CFAP47: variants seen among roughly 807,000 people sequenced by gnomAD.
CFAP47 encodes the protein cilia and flagella associated protein 47, also known as cilia- and flagella-associated protein 47.
A neutral mutation model predicts 148.1 loss-of-function variants in CFAP47; 29 were observed. That is an observed-to-expected ratio of 0.20 (90% CI 0.15 to 0.27). The LOEUF is 0.27. Among genes scored for constraint, CFAP47 ranks in the 10% least tolerant of loss-of-function variants. The pLI, the probability that CFAP47 is intolerant of heterozygous loss-of-function variation, is 1.00. For synonymous variants in CFAP47, 664 were observed against 577.3 expected (o/e 1.15, Z -2.15); for missense variants, 1,872 against 1,697.5 (o/e 1.10, Z -1.81).
intron 55 of CFAP47, among the ~76,000 whole-genome samples, chrX:36,309,935 C>T (rs782720053): frequency 9.0e-6 from 1 of 110,667 alleles, no homozygotes; most frequent in South Asian, 3.8e-4. Context: ...TGAAATATGC[C>T]TTTAATTCTC....
intron 61 of CFAP47, among the ~76,000 whole-genome samples, chrX:36,362,325 C>A (rs1941835461): frequency 8.9e-6 from 1 of 112,260 alleles, no homozygotes; most frequent in Non-Finnish European, 1.9e-5. Flanking sequence ...TATCCCCTTT[C>A]CAACTAGTAG....
At position 35,938,650 on chromosome X, in the gene CFAP47, T is replaced by A. The variant is rs187697635; in HGVS notation, c.402-2633T>A. Among the ~76,000 whole-genome samples, 244 of 111,591 alleles carry A rather than the reference T, an allele frequency of 2.2e-3. 1 individual carries two copies. The highest frequency in any genetic ancestry group is 7.4e-3 in the African/African-American group (228 of 30,788). ...CATGCATTTTATCCCTATTTAAAATTTTTTGATATGGATGCTGAGAGAAGT... is the reference window on the plus strand; with the variant it reads ...CATGCATTTTATCCCTATTTAAAATATTTTGATATGGATGCTGAGAGAAGT... On this transcript the variant is annotated intron_variant, in intron 2 of 63. Transcript: ENST00000378653.
chrX:36,240,886 A>T (rs1940535389), intron 48 of CFAP47, among the ~76,000 whole-genome samples: 1 of 111,479 alleles, frequency 9.0e-6, no homozygotes, highest in Non-Finnish European at 1.9e-5. Context: ...AAAAGAAAAA[A>T]TGGGGAGGGG....
intron 49 of CFAP47, among the ~76,000 whole-genome samples, chrX:36,262,651 A>G (rs1015944353): frequency 8.9e-6 from 1 of 112,292 alleles, no homozygotes; most frequent in Non-Finnish European, 1.9e-5. Context: ...AATCTTAAAT[A>G]TTGTGAACAG....
At position 35,926,005 on chromosome X, in the gene CFAP47, C is replaced by T. The variant is rs768371160; in HGVS notation, c.250-12C>T. 8.5e-7 allele frequency: 1 copy of T among 1,182,844 alleles called. No homozygotes were observed. Among genetic ancestry groups the T allele is most frequent in the South Asian group, 1.9e-5 (1 of 52,102 alleles). On this transcript the variant is annotated splice_polypyrimidine_tract_variant and intron_variant, in intron 1 of 63. Coordinates refer to ENST00000378653, the MANE Select transcript of CFAP47 (RefSeq NM_001304548.2). ...TAAAATGTATAATTTGACTCTCTTT[C>T]TCCCACTGAAGTTCAAACTGATGTT... is the stretch of plus-strand genomic sequence containing the variant.
At chrX:36,097,535 T>C (rs2146789358) in intron 30 of CFAP47, among the ~76,000 whole-genome samples, 1 of 111,643 alleles carries the variant, frequency 9.0e-6, no homozygotes, top group South Asian at 3.7e-4. Flanking sequence ...TTTTTTGTTT[T>C]GTTTTTTTTC....
chrX:36,251,559 G>A (rs1226272596), intron 49 of CFAP47, 115 bp downstream of exon 49: 7 of 347,754 alleles, frequency 2.0e-5, no homozygotes, highest in Non-Finnish European at 2.5e-5. Context: ...TGACTCAGAA[G>A]AAAGTTTAAT....
chrX:36,371,804 A>ATGTG lies in CFAP47; in HGVS notation c.9185+4680_9185+4681insGTGT, dbSNP rs782525559. Among the ~76,000 whole-genome samples the ATGTG allele has an allele frequency of 2.2e-4, 11 of 51,123 alleles. 1 individual carries two copies. In the African/African-American group the frequency reaches 2.7e-3, roughly 13 times the overall value. 44.4% of individuals were successfully genotyped at this position (51,123 alleles called of 115,157 possible). A position where few individuals can be genotyped will look rare whatever the true frequency, so the allele number is the denominator to read the frequency against. ...TGTATATATGTGTGTATATACACAC[A>ATGTG]TGTATATATGTGTGCATATACACAC... On this transcript the variant is annotated intron_variant, in intron 62 of 63. Coordinates refer to ENST00000378653, the MANE Select transcript of CFAP47 (RefSeq NM_001304548.2).
chrX:35,951,725 A>G (rs774460927), intron 5 of CFAP47, 78 bp from the exon 6 acceptor site: 7 of 963,520 alleles, frequency 7.3e-6, no homozygotes, highest in Non-Finnish European at 9.4e-6. Context: ...TGGAATTTCA[A>G]TAATTATTTT....
intron 37 of CFAP47, among the ~76,000 whole-genome samples, chrX:36,149,686 G>A (rs1451421890): frequency 1.9e-5 from 2 of 107,799 alleles, no homozygotes; most frequent in African/African-American, 3.4e-5. Context: ...TTGGCTAACT[G>A]CAACCTCTGC....
At chrX:36,016,099 G>A (rs1354486469) in intron 22 of CFAP47, among the ~76,000 whole-genome samples, 1 of 110,085 alleles carries the variant, frequency 9.1e-6, no homozygotes, top group Non-Finnish European at 1.9e-5. Context: ...TCACATCATG[G>A]AATATGGAGT....
chrX:36,044,162 C>A (rs75946360), intron 25 of CFAP47, among the ~76,000 whole-genome samples: 1 of 113,307 alleles, frequency 8.8e-6, no homozygotes, highest in Non-Finnish European at 1.9e-5. Context: ...CTGGGCACAG[C>A]CCAAAAAGCC....
chrX:36,022,840 T>C (rs1937174805), intron 22 of CFAP47, among the ~76,000 whole-genome samples: 1 of 111,698 alleles, frequency 9.0e-6, no homozygotes, highest in Non-Finnish European at 1.9e-5. Context: ...TTGTTAATCT[T>C]ATCTATAGAA....
intron 21 of CFAP47, among the ~76,000 whole-genome samples, chrX:36,013,208 CTG>C (rs960409139): frequency 9.0e-6 from 1 of 111,484 alleles, no homozygotes; most frequent in African/African-American, 3.3e-5. Context: ...GATGCAGACT[CTG>C]TGTTTTCATC....
intron 45 of CFAP47, among the ~76,000 whole-genome samples, chrX:36,214,592 C>A (rs1181720096): frequency 9.0e-6 from 1 of 110,907 alleles, no homozygotes; most frequent in Admixed American, 9.6e-5. Flanking sequence ...TTCTTTATAT[C>A]CTTATTCTAT....
intron 45 of CFAP47, 120 bp from the exon 46 acceptor site, chrX:36,228,508 G>A: frequency 2.2e-6 from 1 of 450,172 alleles, no homozygotes; most frequent in East Asian, 3.7e-5. Flanking sequence ...TGTTATCCCA[G>A]TGAAACCTAT....
chrX:36,130,260 A>G (rs1938923098), intron 33 of CFAP47, among the ~76,000 whole-genome samples: 2 of 111,530 alleles, frequency 1.8e-5, no homozygotes, highest in African/African-American at 6.5e-5. Flanking sequence ...AAAAATGGGC[A>G]AAAAATTTGA....
chrX:36,169,862 G>A (rs1314065965), intron 39 of CFAP47, among the ~76,000 whole-genome samples: 2 of 111,841 alleles, frequency 1.8e-5, no homozygotes, highest in African/African-American at 3.3e-5. Flanking sequence ...TCCTGGTGTG[G>A]TAGGTGTTCT....
intron 36 of CFAP47, among the ~76,000 whole-genome samples, chrX:36,146,329 GTTAATA>G (rs1387869656): frequency 9.2e-6 from 1 of 109,204 alleles, no homozygotes; most frequent in East Asian, 2.8e-4. Flanking sequence ...TTTTTAAGTA[GTTAATA>G]TTAATGCTAG....
Sources: gnomAD v4.1 joint callset for allele counts (sites outside exome capture counted in the v4.1 genomes callset) on GRCh38, gnomAD v4.1.1 for gene constraint, MANE v1.5 for transcripts, NCBI Gene and HGNC (gene_info 2026-07-23, HGNC 2026-07-21) for gene names.